The following ZNF560 variants were observed in gnomAD, a reference collection of about 807,000 sequenced individuals.
The protein encoded by ZNF560 is zinc finger protein 560.
ZNF560 carries 54 observed loss-of-function variants against 81.8 expected under a neutral mutation model. That is an observed-to-expected ratio of 0.66 (90% confidence interval 0.53 to 0.83). ZNF560 has a LOEUF of 0.83. ZNF560 is among the 40% of genes least tolerant of loss of function. The pLI, the probability that ZNF560 is intolerant of heterozygous loss-of-function variation, is 0.00. For synonymous variants in ZNF560, 321 were observed against 317.9 expected (o/e 1.01, Z -0.10); for missense variants, 940 against 932.4 (o/e 1.01, Z -0.11).
chr19:9,448,606 G>C, the ZNF560 span, among the ~76,000 whole-genome samples: 10 of 151,890 alleles, frequency 6.6e-5, no homozygotes, highest in Non-Finnish European at 1.5e-4. Context: ...ACCTAAGTAC[G>C]CAGCCCACAG....
chr19:9,487,867 A>C (rs1166291954), intron 2 of ZNF560, among the ~76,000 whole-genome samples: 1 of 152,178 alleles, frequency 6.6e-6, no homozygotes, highest in Admixed American at 6.5e-5. Context: ...TAAAATGTAC[A>C]ATGTATTCAG....
chr19:9,453,867 C>CA, the ZNF560 span, among the ~76,000 whole-genome samples: 1 of 151,962 alleles, frequency 6.6e-6, no homozygotes, highest in African/African-American at 2.4e-5. Flanking sequence ...AACCTTCATA[C>CA]AAAAAAACAG....
In ZNF560 at chr19:9,473,260, C is replaced by T; in HGVS notation, c.158-1G>A. ...ACACTGGGTTTAAAGAGCTGAAATC[C>T]TTTACATGAAGAAATGATACATTAA... On this transcript the variant is annotated splice_acceptor_variant, in intron 4 of 9. Transcript: ENST00000301480. LOFTEE classifies it high-confidence loss of function. The T allele has an allele frequency of 6.2e-7, 1 of 1,605,586 alleles. No individual in the cohort carries two copies. Among genetic ancestry groups the T allele is most frequent in the Non-Finnish European group, 8.5e-7 (1 of 1,176,052 alleles).
At chr19:9,490,428 T>C (rs2144723833) in intron 2 of ZNF560, among the ~76,000 whole-genome samples, 1 of 152,320 alleles carries the variant, frequency 6.6e-6, no homozygotes, top group East Asian at 1.9e-4. Flanking sequence ...ATAATTGGAA[T>C]GCTTTGGCCT....
intron 2 of ZNF560, among the ~76,000 whole-genome samples, chr19:9,492,375 TAGTAGAGA>T (rs2073487189): frequency 2.6e-5 from 4 of 152,116 alleles, no homozygotes; most frequent in Non-Finnish European, 5.9e-5. Context: ...GAAGCCTAAC[TAGTAGAGA>T]GGCAAATCCA....
chr19:9,489,336 C>G (rs1184474452), intron 2 of ZNF560, among the ~76,000 whole-genome samples: 5 of 151,784 alleles, frequency 3.3e-5, no homozygotes, highest in Admixed American at 3.3e-4. Flanking sequence ...AGTGGCCAGA[C>G]AGAGTCGCTC....
chr19:9,466,636 C>A lies in ZNF560; in HGVS notation c.2311G>T (p.Asp771Tyr). 6.2e-7 allele frequency: 1 copy of A among 1,612,862 alleles called. No homozygotes were observed. The highest frequency in any genetic ancestry group is 8.5e-7 in the Non-Finnish European group (1 of 1,179,274). Residue 771 changes from aspartate to tyrosine, a missense_variant, in exon 10 of 10, where the codon GAC (aspartate) becomes TAC (tyrosine). By Grantham distance (160) the Asp-to-Tyr change is radical (BLOSUM62 -3). Coordinates refer to ENST00000301480, the MANE Select transcript of ZNF560 (RefSeq NM_152476.3). ...GAAGCAAAGGCTTTCCCACACTGGT[C>A]ACATTCAAAGGGTTTCTCTCCCATA... ...THMGEKPFEC[D>Y]QCGKAFASFS...
Position 9,483,460 on chromosome 19 carries a change from C to T in ZNF560, c.-56-8091G>A, listed in dbSNP as rs550994441. Among the ~76,000 whole-genome samples, 299 of 149,640 alleles carry T rather than the reference C, an allele frequency of 2.0e-3. 4 individuals are homozygous for T. The highest frequency in any genetic ancestry group is 3.8e-3 in the Admixed American group (57 of 15,140). ...CCATCTGGGAAGTGAGGAGCGTCTCCGCCTGGCAGCTGCCCTGTCCAGGAG... is the reference window on the plus strand; with the variant it reads ...CCATCTGGGAAGTGAGGAGCGTCTCTGCCTGGCAGCTGCCCTGTCCAGGAG... On this transcript the variant is annotated intron_variant, in intron 2 of 9. Coordinates refer to ENST00000301480, the MANE Select transcript of ZNF560 (RefSeq NM_152476.3).
At position 9,466,358 on chromosome 19, in the gene ZNF560, G is replaced by A. The variant is rs2073015727; in HGVS notation, c.*216C>T. 2.1e-6 allele frequency: 1 copy of A among 476,328 alleles called. No homozygotes were observed. Among genetic ancestry groups the A allele is most frequent in the Non-Finnish European group, 3.6e-6 (1 of 274,452 alleles). 29.5% of individuals were successfully genotyped at this position (476,328 alleles called of 1,614,324 possible). Reference sequence around the variant, plus strand: ...GAGACTCATCAAAAAAAAAAAAAGAGAGAGAGAAGAACTAGTGTTTTCCTA... The same window carrying A: ...GAGACTCATCAAAAAAAAAAAAAGAAAGAGAGAAGAACTAGTGTTTTCCTA... On this transcript the variant is annotated 3_prime_UTR_variant, in exon 10 of 10. Transcript: ENST00000301480.
intron 2 of ZNF560, among the ~76,000 whole-genome samples, chr19:9,477,093 A>C (rs2073214111): frequency 6.6e-6 from 1 of 152,150 alleles, no homozygotes; most frequent in Admixed American, 6.5e-5. Flanking sequence ...TATGTGTAAA[A>C]CCCACTAGAA....
At position 9,467,873 on chromosome 19, in the gene ZNF560, T is replaced by C; in HGVS notation, c.1074A>G (p.Arg358=). 1.2e-6 allele frequency: 2 copies of C among 1,614,210 alleles called. No homozygotes were observed. Among genetic ancestry groups the C allele is most frequent in the African/African-American group, 1.3e-5 (1 of 75,050 alleles). ...YECKECGKDF[R]YPTHLNNHMQ... The stretch of plus-strand genomic sequence containing the variant: ...TGTGATTATTAAGGTGGGTAGGGTA[T>C]CTAAAATCTTTTCCACATTCCTTAC... The change falls in exon 10 of 10, where the codon AGA becomes AGG. Residue 358 remains arginine, a synonymous_variant. Transcript: ENST00000301480.
At position 9,487,190 on chromosome 19, in the gene ZNF560, G is replaced by A. The variant is rs201836662; in HGVS notation, c.-57+10938C>T. Among the ~76,000 whole-genome samples the A allele has an allele frequency of 2.6e-5, 4 of 152,148 alleles. No homozygotes were observed. The East Asian group carries it at 5.8e-4, about 22-fold the overall frequency. On this transcript the variant is annotated intron_variant, in intron 2 of 9. Transcript: ENST00000301480. ...CCCTCCTTTGTTCATGTGTCATCTC[G>A]TCATTGTTCCATCTGCGAGGACCAC...
At chr19:9,465,303 G>C (rs534672928), downstream of ZNF560, among the ~76,000 whole-genome samples, 1 of 152,116 alleles carries the variant, frequency 6.6e-6, no homozygotes, top group South Asian at 2.1e-4. Context: ...GCTAATTTTT[G>C]TATTTTTAGT....
chr19:9,449,794 C>A, the ZNF560 span, among the ~76,000 whole-genome samples: 1 of 151,762 alleles, frequency 6.6e-6, no homozygotes. Context: ...CATGGTGAAA[C>A]CTCGTTTCTG....
chr19:9,470,459 C>A lies in ZNF560; in HGVS notation c.381G>T (p.Leu127=). Residue 127 remains leucine, a synonymous_variant, in exon 7 of 10, where the codon CTG becomes CTT. Coordinates refer to ENST00000301480, the MANE Select transcript of ZNF560 (RefSeq NM_152476.3). The part of the protein sequence containing the change: ...VEFTQEEWTL[L]DPAQRNLYSD... ...TGTACAGGTTTCTCTGAGCTGGGTC[C>A]AGTAAAGTCCACTCTTCCTGGGTGA... 6.2e-7 allele frequency: 1 copy of A among 1,614,110 alleles called. No homozygotes were observed. The highest frequency in any genetic ancestry group is 8.5e-7 in the Non-Finnish European group (1 of 1,180,008).
chr19:9,488,080 T>C (rs1302962676), intron 2 of ZNF560, among the ~76,000 whole-genome samples: 2 of 150,940 alleles, frequency 1.3e-5, no homozygotes, highest in African/African-American at 4.9e-5. Flanking sequence ...ATAAATAGAT[T>C]AATGCTACCA....
chr19:9,489,115 TA>T (rs2073429825), intron 2 of ZNF560, among the ~76,000 whole-genome samples: 1 of 152,208 alleles, frequency 6.6e-6, no homozygotes, highest in South Asian at 2.1e-4. Flanking sequence ...AACTTTTAAT[TA>T]AAAAATAAAC....
chr19:9,501,979 C>A (rs545617103), upstream of ZNF560, among the ~76,000 whole-genome samples: 114 of 151,690 alleles, frequency 7.5e-4, 1 homozygote, highest in African/African-American at 2.4e-3. Flanking sequence ...ATGGTGAAAG[C>A]CAGGCTCTAC....
At chr19:9,459,912 G>A in the ZNF560 span, among the ~76,000 whole-genome samples, 1 of 152,114 alleles carries the variant, frequency 6.6e-6, no homozygotes, top group Non-Finnish European at 1.5e-5. Flanking sequence ...TTTAGACCCG[G>A]GACCCAGGAC....
Sources: gnomAD v4.1 joint callset for allele counts (sites outside exome capture counted in the v4.1 genomes callset) on GRCh38, gnomAD v4.1.1 for gene constraint, MANE v1.5 for transcripts, NCBI Gene and HGNC (gene_info 2026-07-23, HGNC 2026-07-21) for gene names.